PTK2: variants seen among roughly 807,000 people sequenced by gnomAD.
The protein encoded by PTK2 is focal adhesion kinase 1.
A neutral mutation model predicts 150.1 loss-of-function variants in PTK2; 45 were observed. The observed-to-expected ratio is 0.30, with a 90% CI of 0.24 to 0.38. The LOEUF is 0.38. PTK2 is among the 10% of genes least tolerant of loss of function. The pLI is 1.00. For synonymous variants in PTK2, 432 were observed against 449.2 expected (o/e 0.96, Z 0.48); for missense variants, 919 against 1,307.3 (o/e 0.70, Z 4.58).
chr8:140,887,428 ACAAT>A (rs1244669913), intron 3 of PTK2, among the ~76,000 whole-genome samples: 1 of 152,242 alleles, frequency 6.6e-6, no homozygotes, highest in Non-Finnish European at 1.5e-5. Flanking sequence ...AATCTTTTCA[ACAAT>A]CAAACATTAA....
intron 8 of PTK2, among the ~76,000 whole-genome samples, chr8:140,828,277 A>G (rs1208036327): frequency 6.6e-6 from 1 of 152,162 alleles, no homozygotes; most frequent in East Asian, 1.9e-4. Flanking sequence ...AGAAAAGAGT[A>G]GGAGAGGGAA....
chr8:140,835,091 C>G (rs1477113494), intron 7 of PTK2, among the ~76,000 whole-genome samples: 1 of 152,206 alleles, frequency 6.6e-6, no homozygotes, highest in Non-Finnish European at 1.5e-5. Flanking sequence ...TCAGCATTCC[C>G]CACTCACTGA....
At chr8:140,676,426 C>T (rs2100013772) in intron 27 of PTK2, among the ~76,000 whole-genome samples, 1 of 143,770 alleles carries the variant, frequency 7.0e-6, no homozygotes, top group African/African-American at 2.5e-5. Context: ...ATATATATTC[C>T]TGTCTTTTGC....
intron 5 of PTK2, 28 bp from the exon 6 acceptor site, chr8:140,846,706 C>A: frequency 6.5e-7 from 1 of 1,538,858 alleles, no homozygotes; most frequent in Non-Finnish European, 8.9e-7. Flanking sequence ...GGAAAAACAA[C>A]ACTGTTTTAA....
intron 2 of PTK2, among the ~76,000 whole-genome samples, chr8:140,924,336 C>G (rs1414206035): frequency 6.6e-6 from 1 of 152,110 alleles, no homozygotes; most frequent in African/African-American, 2.4e-5. Context: ...CATTTTATTC[C>G]CACAGCACTT....
Position 140,763,592 on chromosome 8 carries a change from G to C in PTK2, c.1234+642C>G, listed in dbSNP as rs113828746. ...ACTATACACTCCAACATGAGACCTG[G>C]GGCTTCAAGATTTTCCTTAATCAAC... On this transcript the variant is annotated intron_variant, in intron 15 of 31. Transcript: ENST00000522684. Among the ~76,000 whole-genome samples, 941 of 151,988 alleles carry C rather than the reference G, an allele frequency of 6.2e-3. 3 individuals are homozygous for C. Among genetic ancestry groups the C allele is most frequent in the Non-Finnish European group, 9.6e-3 (655 of 67,962 alleles).
At position 140,846,299 on chromosome 8, in the gene PTK2, C is replaced by T. The variant is rs760130442; in HGVS notation, c.554G>A (p.Gly185Asp). The change falls in exon 7 of 32, where the codon GGC (glycine) becomes GAC (aspartate). Residue 185 changes from glycine to aspartate, a missense_variant. Coordinates refer to ENST00000522684, the Ensembl canonical transcript of PTK2. ...GTTAGACTTCTTTTCTAGTGCATTG[C>T]CCCGCATCTCCCAGTATGATCGCCT... The T allele has an allele frequency of 5.0e-6, 8 of 1,612,218 alleles. No individual in the cohort carries two copies. The Admixed American group carries it at 8.3e-5, about 17-fold the overall frequency.
intron 1 of PTK2, among the ~76,000 whole-genome samples, chr8:140,933,569 G>A (rs2100172651): frequency 6.6e-6 from 1 of 152,314 alleles, no homozygotes; most frequent in Non-Finnish European, 1.5e-5. Context: ...ATTCTGCAAT[G>A]AAAAGGAATG....
chr8:140,773,755 T>C (rs1325787216), intron 14 of PTK2, among the ~76,000 whole-genome samples: 1 of 152,004 alleles, frequency 6.6e-6, no homozygotes, highest in Non-Finnish European at 1.5e-5. Context: ...ATGTCAAGAG[T>C]CATTCAGAAT....
At chr8:140,854,093 C>T (rs1738034650) in intron 5 of PTK2, among the ~76,000 whole-genome samples, 1 of 152,108 alleles carries the variant, frequency 6.6e-6, no homozygotes, top group Non-Finnish European at 1.5e-5. Flanking sequence ...GATTCTATAC[C>T]ATAGAGTTAA....
intron 28 of PTK2, 123 bp from the exon 32 acceptor site, chr8:140,674,527 G>A: frequency 1.2e-6 from 1 of 804,256 alleles, no homozygotes; most frequent in East Asian, 2.8e-5. Flanking sequence ...ATCACCTGAG[G>A]TCAGGAATTC....
At chr8:140,994,574 T>C (rs10109378) in intron 1 of PTK2, among the ~76,000 whole-genome samples, 65,740 of 152,024 alleles carry the variant, frequency 0.43, 16,308 homozygotes, top group Non-Finnish European at 0.57. Context: ...CTTGAACTCC[T>C]GGCCTCAAGC....
intron 4 of PTK2, among the ~76,000 whole-genome samples, chr8:140,873,838 C>T (rs544104823): frequency 3.3e-5 from 5 of 152,200 alleles, no homozygotes; most frequent in Non-Finnish European, 7.3e-5. Flanking sequence ...TATCTTCTCC[C>T]ACTTTGCAAC....
intron 12 of PTK2, 37 bp from the exon 13 acceptor site, chr8:140,793,421 T>C: frequency 6.2e-7 from 1 of 1,600,006 alleles, no homozygotes; most frequent in South Asian, 1.1e-5. Context: ...TAAGGCTCTT[T>C]TCACTCCTTT....
chr8:140,740,476 G>A (rs958712187), intron 20 of PTK2, among the ~76,000 whole-genome samples: 1 of 152,216 alleles, frequency 6.6e-6, no homozygotes, highest in Non-Finnish European at 1.5e-5. Flanking sequence ...GCAATGAGTT[G>A]CCTCTGAAGA....
intron 10 of PTK2, among the ~76,000 whole-genome samples, chr8:140,808,203 C>T (rs546196180): frequency 1.3e-5 from 2 of 152,134 alleles, no homozygotes; most frequent in Non-Finnish European, 2.9e-5. Flanking sequence ...TCTGCTGCTA[C>T]AGGAAAGAGT....
At chr8:140,894,480 C>T (rs1372453650) in intron 2 of PTK2, among the ~76,000 whole-genome samples, 1 of 151,990 alleles carries the variant, frequency 6.6e-6, no homozygotes, top group East Asian at 1.9e-4. Flanking sequence ...ACCTAAATGC[C>T]CATTCATGGG....
intron 22 of PTK2, among the ~76,000 whole-genome samples, chr8:140,727,430 G>C (rs2100046507): frequency 6.6e-6 from 1 of 150,662 alleles, no homozygotes; most frequent in African/African-American, 2.4e-5. Context: ...ACTGTACGTA[G>C]CTATAATTGT....
intron 3 of PTK2, among the ~76,000 whole-genome samples, chr8:140,888,283 A>T (rs1451221913): frequency 6.6e-6 from 1 of 152,210 alleles, no homozygotes; most frequent in Non-Finnish European, 1.5e-5. Flanking sequence ...TACAATTATG[A>T]TATTGCATTT....
Sources: gnomAD v4.1 joint callset for allele counts (sites outside exome capture counted in the v4.1 genomes callset) on GRCh38, gnomAD v4.1.1 for gene constraint, MANE v1.5 for transcripts, NCBI Gene and HGNC (gene_info 2026-07-23, HGNC 2026-07-21) for gene names.